Variants in FAM20C observed in about 807,000 individuals in gnomAD.
FAM20C encodes the protein FAM20C golgi associated secretory pathway kinase.
A neutral mutation model predicts 51.5 loss-of-function variants in FAM20C; 40 were observed. The observed-to-expected ratio is 0.78, with a 90% confidence interval of 0.60 to 1.01. The LOEUF is 1.01. FAM20C is among the 50% of genes least tolerant of loss of function. The probability of loss-of-function intolerance (pLI) is 0.00; values close to 1 mark genes in which losing one functional copy is unlikely to be tolerated. For missense variants in FAM20C, 861 were observed against 844.7 expected, an observed-to-expected ratio of 1.02 and a Z score of -0.24; for synonymous variants, 406 against 380.6, an observed-to-expected ratio of 1.07 and a Z score of -0.78.
intron 3 of FAM20C, among the ~76,000 whole-genome samples, chr7:231,433 C>T (rs1267254847): frequency 5.3e-5 from 8 of 150,072 alleles, no homozygotes; most frequent in African/African-American, 9.8e-5. Flanking sequence ...AGGGTCCTGG[C>T]GTGGAGGGCC....
At position 259,803 on chromosome 7, in the gene FAM20C, C is replaced by T. The variant is rs140924363; in HGVS notation, c.1578C>T (p.Ala526=). The change falls in exon 10 of 10, where the codon GCC becomes GCT. Residue 526 remains alanine (A), a synonymous_variant. Coordinates refer to ENST00000313766, the MANE Select transcript of FAM20C (RefSeq NM_020223.4). ...KEEYKLSLLM[A]ESLRGDQVAP... ...AGTACAAGCTGAGCCTGCTGATGGCCGAGTCTCTGCGGGGGGACCAGGTGG... is the reference window on the plus strand; with the variant it reads ...AGTACAAGCTGAGCCTGCTGATGGCTGAGTCTCTGCGGGGGGACCAGGTGG... 2.9e-5 allele frequency: 45 copies of T among 1,536,608 alleles called. 1 individual carries two copies. The highest frequency in any genetic ancestry group is 8.2e-5 in the African/African-American group (6 of 73,162).
intron 3 of FAM20C, among the ~76,000 whole-genome samples, chr7:233,636 G>T (rs955769804): frequency 0.051 from 7,719 of 152,136 alleles, 496 homozygotes; most frequent in African/African-American, 0.14. Context: ...AGCCGGCCGC[G>T]CAGCGTCTTC....
At chr7:254,118 C>T (rs1184578694) in intron 5 of FAM20C, among the ~76,000 whole-genome samples, 3 of 148,848 alleles carry the variant, frequency 2.0e-5, no homozygotes, top group Non-Finnish European at 4.4e-5. Context: ...CCAGACCAGC[C>T]GGGACCTGCC....
chr7:216,493 G>A (rs1205514906), intron 3 of FAM20C, among the ~76,000 whole-genome samples: 1 of 151,844 alleles, frequency 6.6e-6, no homozygotes, highest in Non-Finnish European at 1.5e-5. Flanking sequence ...CAGCCTGTGG[G>A]GTGACATCTC....
chr7:196,798 G>C (rs965130286), intron 2 of FAM20C, among the ~76,000 whole-genome samples: 2 of 152,166 alleles, frequency 1.3e-5, no homozygotes, highest in African/African-American at 4.8e-5. Context: ...TGAGTTGTTT[G>C]CTGGGCACTC....
Position 193,628 on chromosome 7 carries a change from C to T in FAM20C, c.429C>T (p.Pro143=). ...CGCACCGGCCGCTGCTGCGAGACCC[C>T]GGCCCGCGTCGGTCCGAGTCGCCCC... ...DPAHRPLLRD[P]GPRRSESPPG... Residue 143 remains proline (P), a synonymous_variant, in exon 1 of 10, where the codon CCC becomes CCT. Coordinates refer to ENST00000313766, the MANE Select transcript of FAM20C (RefSeq NM_020223.4). 1 of 1,539,208 alleles carries T rather than the reference C, an allele frequency of 6.5e-7. No individual in the cohort carries two copies. The highest frequency in any genetic ancestry group is 2.5e-5 in the East Asian group (1 of 39,974).
At position 256,874 on chromosome 7, in the gene FAM20C, G is replaced by A. The variant is rs1788610555; in HGVS notation, c.1363+111G>A. ...GGCACGGCCCGGCTGCGGTCCTGTG[G>A]CCTGTGAAGGGGCCAGATTGCTTAG... On this transcript the variant is annotated intron_variant, in intron 7 of 9. Transcript: ENST00000313766. 3.4e-5 allele frequency: 48 copies of A among 1,411,190 alleles called. No individual in the cohort carries two copies. The South Asian group carries it at 5.4e-4, about 16-fold the overall frequency. The allele number at this position is 1,411,190 out of a possible 1,614,324, so 87.4% of individuals were successfully genotyped here.
At position 255,830 on chromosome 7, in the gene FAM20C, G is replaced by A. The variant is rs368627774; in HGVS notation, c.1073-19G>A. The A allele has an allele frequency of 1.4e-4, 215 of 1,536,086 alleles. 2 individuals are homozygous for A. The South Asian group carries it at 1.5e-3, about 11-fold the overall frequency. ...CAGCCCTGTGCGGCCCTGGTAACCCGCAGCCTGTCCCTCCCCAGCCAACAA... is the reference window on the plus strand; with the variant it reads ...CAGCCCTGTGCGGCCCTGGTAACCCACAGCCTGTCCCTCCCCAGCCAACAA... On this transcript the variant is annotated intron_variant, in intron 5 of 9. Transcript: ENST00000313766.
At chr7:226,498 C>G (rs1326392891) in intron 3 of FAM20C, among the ~76,000 whole-genome samples, 1 of 152,192 alleles carries the variant, frequency 6.6e-6, no homozygotes, top group East Asian at 1.9e-4. Context: ...AGTCGCTGTC[C>G]CGCAGCCACA....
At chr7:217,435 TGTTTGTG>T (rs1787053575) in intron 3 of FAM20C, among the ~76,000 whole-genome samples, 1 of 5,528 alleles carries the variant, frequency 1.8e-4, no homozygotes, top group African/African-American at 6.9e-4. Flanking sequence ...TGCATTTGGC[TGTTTGTG>T]CATCAAGGGG....
chr7:212,812 A>T (rs574627387), intron 3 of FAM20C, among the ~76,000 whole-genome samples: 1 of 152,212 alleles, frequency 6.6e-6, no homozygotes, highest in South Asian at 2.1e-4. Context: ...TTATTGAGAT[A>T]TAATTCACAA....
intron 3 of FAM20C, among the ~76,000 whole-genome samples, chr7:216,408 GTGGGGGGGGCAGGGCCCCTGGTGTAT>G (rs1786960466): frequency 9.9e-6 from 1 of 101,218 alleles, no homozygotes; most frequent in Non-Finnish European, 2.1e-5. Flanking sequence ...ATGGGGCTGG[GTGGGGGGGGCAGGGCCCCTGGTGTAT>G]GGAGAGGATG....
intron 3 of FAM20C, among the ~76,000 whole-genome samples, chr7:232,723 A>T (rs1312232142): frequency 6.6e-6 from 1 of 152,238 alleles, no homozygotes; most frequent in Non-Finnish European, 1.5e-5. Context: ...CAGCAGTTGG[A>T]GGGGCCAGCT....
At chr7:251,693 C>T (rs1014776198) in intron 5 of FAM20C, among the ~76,000 whole-genome samples, 4 of 152,152 alleles carry the variant, frequency 2.6e-5, no homozygotes, top group South Asian at 2.1e-4. Context: ...CCTTTGGTGC[C>T]GTTGCTGGAA....
chr7:240,859 T>C (rs1787926187), intron 3 of FAM20C, among the ~76,000 whole-genome samples: 1 of 152,152 alleles, frequency 6.6e-6, no homozygotes, highest in Non-Finnish European at 1.5e-5. Context: ...AGACAGACCA[T>C]GGCAGGGCTG....
chr7:216,976 C>G (rs927871743), intron 3 of FAM20C, among the ~76,000 whole-genome samples: 1 of 152,212 alleles, frequency 6.6e-6, no homozygotes, highest in Middle Eastern at 3.4e-3. Flanking sequence ...CCACCCTGAA[C>G]GGCCTCATCC....
intron 3 of FAM20C, among the ~76,000 whole-genome samples, chr7:222,842 T>A (rs745864845): frequency 7.9e-5 from 12 of 151,688 alleles, no homozygotes; most frequent in Non-Finnish European, 1.8e-4. Flanking sequence ...TGTGTGTGCA[T>A]GCATGTCCTG....
At chr7:252,078 A>T (rs1788422367) in intron 5 of FAM20C, among the ~76,000 whole-genome samples, 2 of 152,214 alleles carry the variant, frequency 1.3e-5, no homozygotes, top group Admixed American at 1.3e-4. Flanking sequence ...AGAGAACAAA[A>T]TCTGTTCAGA....
In FAM20C at chr7:258,664, C is replaced by G. The variant is rs139144760; in HGVS notation, c.1464C>G (p.His488Gln). 1.3e-6 allele frequency: 2 copies of G among 1,536,604 alleles called. No individual in the cohort carries two copies. Among genetic ancestry groups the G allele is most frequent in the East Asian group, 2.4e-5 (1 of 40,934 alleles). ...CTGGAAGGTTTGGGAAGTATTCGCA[C>G]GACGAGCTCTCCATCCTGGTGCCGC... ...DNGRGFGKYSHDELSILVPLQ... is the reference protein window; with the variant it reads ...DNGRGFGKYSQDELSILVPLQ... The change falls in exon 9 of 10, where the codon CAC (histidine) becomes CAG (glutamine). Residue 488 changes from histidine (H) to glutamine (Q), a missense_variant. Physicochemically the swap from His to Gln is conservative, Grantham distance 24. Transcript: ENST00000313766.
Sources: allele counts gnomAD v4.1 joint callset (sites outside exome capture counted in the v4.1 genomes callset), GRCh38; gene constraint gnomAD v4.1.1; transcripts MANE v1.5; gene names NCBI Gene and HGNC (gene_info 2026-07-23, HGNC 2026-07-21).